PDLIM5: variants seen among roughly 807,000 people sequenced by gnomAD.
PDLIM5 encodes the protein PDZ and LIM domain 5, also known as PDZ and LIM domain protein 5.
In PDLIM5, 34 loss-of-function variants were observed where a neutral mutation model predicts 64.2. The ratio of observed to expected loss-of-function variants is 0.53; its 90% CI spans 0.40 to 0.71. The LOEUF is 0.71. Ranked by LOEUF, PDLIM5 falls within the 30% of genes least tolerant of loss-of-function variation. The probability of loss-of-function intolerance (pLI) is 0.00; values close to 1 mark genes in which losing one functional copy is unlikely to be tolerated. For synonymous variants in PDLIM5, 253 were observed against 269.1 expected (o/e 0.94, Z 0.59); for missense variants, 683 against 733.6 (o/e 0.93, Z 0.80).
At chr4:94,605,752 G>T (rs545173148) in intron 7 of PDLIM5, among the ~76,000 whole-genome samples, 1 of 152,080 alleles carries the variant, frequency 6.6e-6, no homozygotes, top group South Asian at 2.1e-4. Flanking sequence ...ATCTTCAAAG[G>T]TATTTCATGA....
At chr4:94,610,943 C>T (rs1738312483) in intron 7 of PDLIM5, 1 of 638,778 alleles carries the variant, frequency 1.6e-6, no homozygotes, top group Non-Finnish European at 2.7e-6. Context: ...GCTTCCCCTC[C>T]TTCTTCCTCT....
intron 7 of PDLIM5, among the ~76,000 whole-genome samples, chr4:94,609,173 C>T (rs546295205): frequency 1.1e-4 from 16 of 152,192 alleles, no homozygotes; most frequent in East Asian, 1.9e-4. Context: ...AACCAGAGGT[C>T]GAGTTTGCCA....
chr4:94,582,421 A>G (rs1305315691), intron 5 of PDLIM5: 2 of 306,210 alleles, frequency 6.5e-6, no homozygotes, highest in East Asian at 1.2e-4. Flanking sequence ...GCATTAATAC[A>G]TAAAATAGTT....
chr4:94,520,206 A>G lies in PDLIM5; in HGVS notation c.97-3518A>G, dbSNP rs554879442. Among the ~76,000 whole-genome samples the G allele has an allele frequency of 8.9e-4, 135 of 152,316 alleles. 2 individuals carry two copies. In the Middle Eastern group the frequency reaches 0.014, roughly 15 times the overall value. ...TTTGAAGAAGCACTCAGCTACAATT[A>G]AAGTCTGTGGAAAATTGGATAGCAG... is the stretch of plus-strand genomic sequence containing the variant. On this transcript the variant is annotated intron_variant, in intron 2 of 12. Coordinates refer to ENST00000317968, the MANE Select transcript of PDLIM5 (RefSeq NM_006457.5).
chr4:94,519,428 G>A (rs545006068), intron 2 of PDLIM5, among the ~76,000 whole-genome samples: 2 of 152,216 alleles, frequency 1.3e-5, no homozygotes, highest in South Asian at 2.1e-4. Flanking sequence ...GTGGAAGCTG[G>A]GACTTAGAGA....
chr4:94,463,962 G>A (rs1478268632), intron 2 of PDLIM5, among the ~76,000 whole-genome samples: 1 of 152,218 alleles, frequency 6.6e-6, no homozygotes, highest in Non-Finnish European at 1.5e-5. Context: ...GTATACTAAT[G>A]TGTGGCACAA....
intron 4 of PDLIM5, chr4:94,573,850 T>G (rs1735018999): frequency 6.1e-6 from 1 of 164,324 alleles, no homozygotes; most frequent in Non-Finnish European, 1.3e-5. Context: ...TTTCAAACCA[T>G]TATTCATATA....
At chr4:94,639,318 G>A (rs1219326341) in intron 8 of PDLIM5, among the ~76,000 whole-genome samples, 1 of 152,188 alleles carries the variant, frequency 6.6e-6, no homozygotes, top group African/African-American at 2.4e-5. Flanking sequence ...CTACATTCAG[G>A]GGTCAAATAG....
intron 7 of PDLIM5, among the ~76,000 whole-genome samples, chr4:94,596,957 T>G (rs1320536382): frequency 6.6e-6 from 1 of 152,128 alleles, no homozygotes; most frequent in African/African-American, 2.4e-5. Flanking sequence ...GCTACTCCTG[T>G]GTCCAACTCT....
chr4:94,532,123 AC>A (rs1480265935), intron 3 of PDLIM5, among the ~76,000 whole-genome samples: 9 of 152,186 alleles, frequency 5.9e-5, no homozygotes, highest in African/African-American at 2.2e-4. Context: ...TCTGTGAGTA[AC>A]TAAAAATTCT....
intron 3 of PDLIM5, among the ~76,000 whole-genome samples, chr4:94,530,743 A>T (rs1043707665): frequency 6.6e-6 from 1 of 152,224 alleles, no homozygotes; most frequent in African/African-American, 2.4e-5. Context: ...TTCATCCTTC[A>T]AACAACAAAA....
intron 2 of PDLIM5, among the ~76,000 whole-genome samples, 193 bp from the exon 3 acceptor site, chr4:94,523,531 A>G (rs1730018226): frequency 6.6e-6 from 1 of 152,216 alleles, no homozygotes; most frequent in Non-Finnish European, 1.5e-5. Context: ...ATAAGAATTT[A>G]AGAAAATAAA....
chr4:94,453,056 A>G (rs1468867612), intron 1 of PDLIM5, among the ~76,000 whole-genome samples: 6 of 151,620 alleles, frequency 4.0e-5, no homozygotes, highest in Non-Finnish European at 2.9e-5. Context: ...CCTCTCACCC[A>G]CTAATGAAGC....
At chr4:94,555,344 C>G (rs1443152572) in intron 3 of PDLIM5, among the ~76,000 whole-genome samples, 1 of 152,208 alleles carries the variant, frequency 6.6e-6, no homozygotes, top group Non-Finnish European at 1.5e-5. Flanking sequence ...CATGAGCCAC[C>G]TCACCGGCCT....
Position 94,542,030 on chromosome 4 carries a change from G to A in PDLIM5, c.248+18155G>A, listed in dbSNP as rs567431346. 2.6e-5 allele frequency among the ~76,000 whole-genome samples: 4 copies of A among 152,266 alleles called. No individual in the cohort carries two copies. The East Asian group carries it at 5.8e-4, about 22-fold the overall frequency. On this transcript the variant is annotated intron_variant, in intron 3 of 12. Transcript: ENST00000317968. ...GATGGGAATTTAAAGTAAGAGGCCC[G>A]GCTGGGCATGGTGGCTCATGCGTGT...
Position 94,453,740 on chromosome 4 carries a change from T to C in PDLIM5, c.-42-1507T>C, listed in dbSNP as rs556879412. Among the ~76,000 whole-genome samples, 3 of 152,338 alleles carry C rather than the reference T, an allele frequency of 2.0e-5. No individual in the cohort carries two copies. The South Asian group carries it at 6.2e-4, about 32-fold the overall frequency. ...TTATAGCGGGAAAGCAATTGAATTA[T>C]GTGTGGCTCGTTATTAGCTTCCCAC... is the stretch of plus-strand genomic sequence containing the variant. On this transcript the variant is annotated intron_variant, in intron 1 of 12. Coordinates refer to ENST00000317968, the MANE Select transcript of PDLIM5 (RefSeq NM_006457.5).
chr4:94,611,785 G>A (rs1329170763), intron 7 of PDLIM5, among the ~76,000 whole-genome samples: 1 of 152,182 alleles, frequency 6.6e-6, no homozygotes, highest in Non-Finnish European at 1.5e-5. Context: ...TGAAATAACT[G>A]TATACAATGA....
intron 12 of PDLIM5, 24 bp downstream of exon 12, chr4:94,662,561 T>G (rs1243354993): frequency 8.7e-7 from 1 of 1,152,934 alleles, no homozygotes; most frequent in South Asian, 1.2e-5. Context: ...TATTTCCTAA[T>G]TAAAGGGGTA....
chr4:94,639,164 A>G (rs1263373007), intron 8 of PDLIM5, among the ~76,000 whole-genome samples: 7 of 152,206 alleles, frequency 4.6e-5, no homozygotes, highest in African/African-American at 7.2e-5. Context: ...CAGCCTGAGC[A>G]TACATAGACC....
Sources: gnomAD v4.1 joint callset for allele counts (sites outside exome capture counted in the v4.1 genomes callset) on GRCh38, gnomAD v4.1.1 for gene constraint, MANE v1.5 for transcripts, NCBI Gene and HGNC (gene_info 2026-07-23, HGNC 2026-07-21) for gene names.